The following NTRK2 variants were observed in gnomAD, a reference collection of about 807,000 sequenced individuals.
NTRK2 encodes the protein BDNF/NT-3 growth factors receptor.
In NTRK2, 13 loss-of-function variants were observed where a neutral mutation model predicts 94.5. The ratio of observed to expected loss-of-function variants is 0.14; its 90% CI spans 0.09 to 0.22. The LOEUF (loss-of-function observed/expected upper bound fraction) is 0.22. NTRK2 is among the 10% of genes least tolerant of loss of function. NTRK2 has a pLI of 1.00. For synonymous variants in NTRK2, 372 were observed against 407.4 expected, an observed-to-expected ratio of 0.91 and a Z score of 1.05; for missense variants, 639 against 1,071.2, an observed-to-expected ratio of 0.60 and a Z score of 5.63.
At chr9:84,969,316 T>C (rs1208009086) in intron 17 of NTRK2, among the ~76,000 whole-genome samples, 2 of 152,266 alleles carry the variant, frequency 1.3e-5, no homozygotes, top group African/African-American at 2.4e-5. Context: ...CTGAGTCATA[T>C]GTATTTGCCT....
intron 14 of NTRK2, among the ~76,000 whole-genome samples, chr9:84,929,329 G>A (rs2077936960): frequency 6.6e-6 from 1 of 152,048 alleles, no homozygotes; most frequent in South Asian, 2.1e-4. Context: ...AATGACCAAG[G>A]GCACCACATT....
At chr9:84,926,336 G>A (rs567961113) in intron 14 of NTRK2, among the ~76,000 whole-genome samples, 1 of 151,852 alleles carries the variant, frequency 6.6e-6, no homozygotes, top group South Asian at 2.1e-4. Flanking sequence ...GGGTTCAAGC[G>A]ATTCTCCTGC....
intron 15 of NTRK2, among the ~76,000 whole-genome samples, chr9:84,943,959 A>G (rs1336067920): frequency 1.3e-5 from 2 of 152,132 alleles, no homozygotes; most frequent in Non-Finnish European, 2.9e-5. Context: ...TAATTTAGAA[A>G]AAAAGACCCA....
intron 9 of NTRK2, among the ~76,000 whole-genome samples, chr9:84,731,856 T>C (rs1236453082): frequency 6.6e-6 from 1 of 152,158 alleles, no homozygotes; most frequent in Non-Finnish European, 1.5e-5. Flanking sequence ...TTGCAGACTC[T>C]GCCATTTCCC....
intron 14 of NTRK2, among the ~76,000 whole-genome samples, chr9:84,911,854 A>T (rs1291676991): frequency 6.6e-6 from 1 of 151,718 alleles, no homozygotes; most frequent in Non-Finnish European, 1.5e-5. Context: ...TAGATTATTC[A>T]TTTGAAGTTT....
chr9:84,863,915 C>A (rs751838713), intron 13 of NTRK2, among the ~76,000 whole-genome samples: 2 of 152,186 alleles, frequency 1.3e-5, no homozygotes, highest in Non-Finnish European at 2.9e-5. Flanking sequence ...CCCTCGCTCC[C>A]CAAACAAGAG....
intron 9 of NTRK2, among the ~76,000 whole-genome samples, chr9:84,738,963 G>T (rs1448610284): frequency 1.3e-5 from 2 of 152,154 alleles, no homozygotes; most frequent in Non-Finnish European, 2.9e-5. Context: ...CAGTTTTGCT[G>T]GTGAACTTGG....
chr9:84,786,931 C>T (rs2068173555), intron 12 of NTRK2, among the ~76,000 whole-genome samples: 1 of 152,052 alleles, frequency 6.6e-6, no homozygotes, highest in Non-Finnish European at 1.5e-5. Context: ...AAGAAAGAAG[C>T]CATTCTGTTT....
intron 6 of NTRK2, among the ~76,000 whole-genome samples, chr9:84,718,823 C>T (rs1356734987): frequency 2.6e-5 from 4 of 152,164 alleles, no homozygotes; most frequent in Non-Finnish European, 5.9e-5. Context: ...GCTAATTAAA[C>T]CTCGAGTGGT....
chr9:84,797,928 A>G (rs915320994), intron 12 of NTRK2, among the ~76,000 whole-genome samples: 2 of 135,016 alleles, frequency 1.5e-5, no homozygotes, highest in Non-Finnish European at 3.0e-5. Flanking sequence ...ATTAATATTT[A>G]CTATTAGTAA....
At chr9:84,898,041 AGGTCTTAT>A (rs1392348228) in intron 14 of NTRK2, among the ~76,000 whole-genome samples, 3 of 151,236 alleles carry the variant, frequency 2.0e-5, no homozygotes, top group Non-Finnish European at 4.4e-5. Context: ...AAAAGATGAA[AGGTCTTAT>A]CTGCCACTGT....
intron 17 of NTRK2, among the ~76,000 whole-genome samples, chr9:85,000,532 T>G (rs575590051): frequency 6.6e-6 from 1 of 152,168 alleles, no homozygotes; most frequent in Admixed American, 6.5e-5. Context: ...CCTTTTCAGG[T>G]TGGCTTCTTT....
At chr9:84,907,276 C>A (rs748014035) in intron 14 of NTRK2, among the ~76,000 whole-genome samples, 13 of 152,092 alleles carry the variant, frequency 8.5e-5, no homozygotes, top group Non-Finnish European at 1.2e-4. Flanking sequence ...TACGGTGAAT[C>A]CAGTAAGAGA....
intron 14 of NTRK2, among the ~76,000 whole-genome samples, chr9:84,898,729 T>A (rs1360299764): frequency 2.0e-5 from 3 of 152,046 alleles, no homozygotes; most frequent in Admixed American, 1.3e-4. Flanking sequence ...CTCTTTTTTT[T>A]CCTCGCTCTG....
intron 12 of NTRK2, chr9:84,815,490 G>A (rs982054608): frequency 9.6e-7 from 1 of 1,040,922 alleles, no homozygotes; most frequent in Non-Finnish European, 1.2e-6. Context: ...GTAATCCAGA[G>A]GCAGCCTGTG....
intron 17 of NTRK2, among the ~76,000 whole-genome samples, chr9:84,974,771 G>C (rs76477015): frequency 0.019 from 2,891 of 152,258 alleles, 53 homozygotes; most frequent in Middle Eastern, 0.044. Context: ...GAACTTCCAA[G>C]TGGAGGTGCA....
chr9:84,762,855 G>A (rs2065707182), intron 12 of NTRK2, among the ~76,000 whole-genome samples: 1 of 152,102 alleles, frequency 6.6e-6, no homozygotes, highest in African/African-American at 2.4e-5. Flanking sequence ...CCTTACTCAG[G>A]TTGCATTTGC....
chr9:84,915,060 C>T (rs1364710254), intron 14 of NTRK2, among the ~76,000 whole-genome samples: 4 of 152,110 alleles, frequency 2.6e-5, no homozygotes, highest in Non-Finnish European at 5.9e-5. Context: ...CTAGATCCGT[C>T]GTATGCGCAG....
chr9:84,726,131 C>T (rs1011124331), intron 8 of NTRK2, among the ~76,000 whole-genome samples: 3 of 152,160 alleles, frequency 2.0e-5, no homozygotes, highest in Admixed American at 6.5e-5. Context: ...TCACTAGGCT[C>T]TGAAAAATTG....
Sources: allele counts gnomAD v4.1 joint callset (sites outside exome capture counted in the v4.1 genomes callset), GRCh38; gene constraint gnomAD v4.1.1; transcripts MANE v1.5; gene names NCBI Gene and HGNC (gene_info 2026-07-23, HGNC 2026-07-21).